Variants in GABPB1 observed in about 807,000 individuals in gnomAD.
The protein encoded by GABPB1 is GA binding protein transcription factor subunit beta 1, also known as GA-binding protein subunit beta-1.
GABPB1 carries 15 observed loss-of-function variants against 45.9 expected under a neutral mutation model. That is an observed-to-expected ratio of 0.33 (90% CI 0.22 to 0.50). The LOEUF is 0.50. GABPB1 is among the 20% of genes least tolerant of loss of function. The probability of loss-of-function intolerance (pLI) is 0.98; values close to 1 mark genes in which losing one functional copy is unlikely to be tolerated. For missense variants in GABPB1, 252 were observed against 457.5 expected, an observed-to-expected ratio of 0.55 and a Z score of 4.10; for synonymous variants, 143 against 154.4, an observed-to-expected ratio of 0.93 and a Z score of 0.55.
intron 6 of GABPB1, among the ~76,000 whole-genome samples, chr15:50,293,573 A>G (rs910782043): frequency 1.3e-5 from 2 of 152,236 alleles, no homozygotes; most frequent in African/African-American, 4.8e-5. Flanking sequence ...GGATTTTCAA[A>G]CGCATTAAGT....
At chr15:50,337,607 A>C (rs997667382) in intron 1 of GABPB1, among the ~76,000 whole-genome samples, 2 of 151,868 alleles carry the variant, frequency 1.3e-5, no homozygotes, top group Non-Finnish European at 2.9e-5. Context: ...CCACCAAAAA[A>C]TACAAAAAAT....
intron 1 of GABPB1, among the ~76,000 whole-genome samples, chr15:50,320,900 A>G (rs537697404): frequency 2.7e-4 from 41 of 152,312 alleles, no homozygotes; most frequent in African/African-American, 9.4e-4. Flanking sequence ...TAGAAGCTAG[A>G]AAAGGAAAGA....
chr15:50,305,340 ATTG>A (rs150946230), intron 2 of GABPB1, among the ~76,000 whole-genome samples: 11,579 of 151,742 alleles, frequency 0.076, 1,332 homozygotes, highest in African/African-American at 0.25. Context: ...TGTTTGTTTA[ATTG>A]TTGTTTGTTT....
chr15:50,323,829 GCCACTGCA>G (rs1260639522), intron 1 of GABPB1, among the ~76,000 whole-genome samples: 3 of 152,110 alleles, frequency 2.0e-5, no homozygotes, highest in Non-Finnish European at 4.4e-5. Context: ...CCATGACTGT[GCCACTGCA>G]CTCCAGCCTG....
intron 1 of GABPB1, among the ~76,000 whole-genome samples, chr15:50,313,633 G>A (rs1272433160): frequency 3.3e-5 from 5 of 151,494 alleles, no homozygotes; most frequent in African/African-American, 1.2e-4. Flanking sequence ...GAATCTAAAG[G>A]AAAAAAATGC....
At chr15:50,344,086 G>T (rs933614216) in intron 1 of GABPB1, among the ~76,000 whole-genome samples, 1 of 152,182 alleles carries the variant, frequency 6.6e-6, no homozygotes. Flanking sequence ...TTAGAACAGT[G>T]CCAGCCGCAG....
rs528524818 is a variant in GABPB1 at position 50,293,491 on chromosome 15, A to C, written c.698-3823T>G. 2.0e-5 allele frequency among the ~76,000 whole-genome samples: 3 copies of C among 152,326 alleles called. No homozygotes were observed. In the East Asian group the frequency reaches 5.8e-4, roughly 29 times the overall value. On this transcript the variant is annotated intron_variant, in intron 6 of 8. Transcript: ENST00000380877. ...GGTTTTATCACCAAGCACTTAAGAA[A>C]ATTTCAGGAAGATAATTACAAAATG... is the stretch of plus-strand genomic sequence containing the variant.
At chr15:50,338,331 C>T (rs1396391377) in intron 1 of GABPB1, among the ~76,000 whole-genome samples, 1 of 152,128 alleles carries the variant, frequency 6.6e-6, no homozygotes, top group Admixed American at 6.6e-5. Context: ...TGAGCCACCA[C>T]ACCCGGCCAA....
chr15:50,295,284 CTA>C (rs1373393993), intron 6 of GABPB1, among the ~76,000 whole-genome samples: 1 of 152,130 alleles, frequency 6.6e-6, no homozygotes, highest in Non-Finnish European at 1.5e-5. Context: ...TTTTAAAGTC[CTA>C]TATAATCTCA....
chr15:50,332,739 T>G (rs1335360957), intron 1 of GABPB1, among the ~76,000 whole-genome samples: 1 of 152,088 alleles, frequency 6.6e-6, no homozygotes, highest in Non-Finnish European at 1.5e-5. Flanking sequence ...TATTTAAAAT[T>G]TTCCATAAGA....
chr15:50,353,908 G>C (rs2048965737), intron 1 of GABPB1: 1 of 154,194 alleles, frequency 6.5e-6, no homozygotes, highest in African/African-American at 2.4e-5. Context: ...AGTCCGGAGA[G>C]AAAACTTAAA....
chr15:50,278,622 T>C lies in GABPB1; in HGVS notation c.*10A>G, dbSNP rs373212408. ...ACCAAAAGTAAAATCAAACTACATGTTCATTTCAATTAAACAGCTTCTTTA... is the reference window on the plus strand; with the variant it reads ...ACCAAAAGTAAAATCAAACTACATGCTCATTTCAATTAAACAGCTTCTTTA... On this transcript the variant is annotated 3_prime_UTR_variant, in exon 9 of 9. Coordinates refer to ENST00000380877, the MANE Select transcript of GABPB1 (RefSeq NM_016654.5). The C allele has an allele frequency of 6.1e-5, 98 of 1,608,762 alleles. 1 individual carries two copies. Among genetic ancestry groups the C allele is most frequent in the Non-Finnish European group, 1.0e-5 (12 of 1,178,342 alleles).
At chr15:50,307,314 G>C (rs1021830950) in intron 2 of GABPB1, among the ~76,000 whole-genome samples, 1 of 152,172 alleles carries the variant, frequency 6.6e-6, no homozygotes, top group Admixed American at 6.5e-5. Context: ...ATGTAGTTGA[G>C]TATCTTTTCA....
intron 2 of GABPB1, among the ~76,000 whole-genome samples, chr15:50,304,666 G>A (rs569966048): frequency 4.6e-5 from 7 of 150,854 alleles, no homozygotes; most frequent in African/African-American, 9.8e-5. Flanking sequence ...AGCCGAGATC[G>A]CGCCACTGCA....
intron 1 of GABPB1, among the ~76,000 whole-genome samples, chr15:50,339,327 A>T (rs2048263209): frequency 6.6e-6 from 1 of 151,970 alleles, no homozygotes; most frequent in Non-Finnish European, 1.5e-5. Context: ...CAAAAAACAA[A>T]AAAACAAATA....
At chr15:50,301,727 A>G (rs1038618215) in intron 4 of GABPB1, among the ~76,000 whole-genome samples, 2 of 152,218 alleles carry the variant, frequency 1.3e-5, no homozygotes, top group South Asian at 4.1e-4. Flanking sequence ...CAGGAGTTCA[A>G]GACCAGCATG....
chr15:50,312,239 T>C (rs1165725490), intron 1 of GABPB1, among the ~76,000 whole-genome samples: 1 of 151,784 alleles, frequency 6.6e-6, no homozygotes, highest in Non-Finnish European at 1.5e-5. Flanking sequence ...AAAAAAATAA[T>C]CTATATTATA....
intron 1 of GABPB1, among the ~76,000 whole-genome samples, chr15:50,333,445 A>C (rs1286809920): frequency 6.6e-6 from 1 of 152,170 alleles, no homozygotes; most frequent in Non-Finnish European, 1.5e-5. Flanking sequence ...TTTTTAGCTC[A>C]GTGAGCCATG....
intron 1 of GABPB1, among the ~76,000 whole-genome samples, chr15:50,323,241 A>G (rs932123642): frequency 3.9e-5 from 6 of 152,126 alleles, no homozygotes; most frequent in African/African-American, 1.4e-4. Flanking sequence ...CTGCAGAGGA[A>G]TGGGAAGCTG....
Sources: gnomAD v4.1 joint callset for allele counts (sites outside exome capture counted in the v4.1 genomes callset) on GRCh38, gnomAD v4.1.1 for gene constraint, MANE v1.5 for transcripts, NCBI Gene and HGNC (gene_info 2026-07-23, HGNC 2026-07-21) for gene names.